The following KRT14 variants were observed in gnomAD, a reference collection of about 807,000 sequenced individuals.
The protein encoded by KRT14 is keratin, type I cytoskeletal 14.
A neutral mutation model predicts 44.5 loss-of-function variants in KRT14; 30 were observed. The ratio of observed to expected loss-of-function variants is 0.67; its 90% CI spans 0.50 to 0.92. KRT14 has a LOEUF of 0.92. KRT14 is among the 40% of genes least tolerant of loss of function. KRT14 has a pLI of 0.00. For synonymous variants in KRT14, 241 were observed against 257.6 expected (o/e 0.94, Z 0.62); for missense variants, 535 against 640.6 (o/e 0.84, Z 1.78).
rs1907404539 is a variant in KRT14, at chr17:41,583,361, T to G, written c.1148A>C (p.Gln383Pro). ...IQEMIGSVEE[Q>P]LAQLRCEMEQ... ...CATCTCGCAGCGGAGCTGGGCCAGC[T>G]GCTCCTCCACGCTGCCAATCATCTC... is the stretch of plus-strand genomic sequence containing the variant. The change falls in exon 6 of 8, where the codon CAG becomes CCG. Residue 383 changes from glutamine to proline, a missense_variant. Physicochemically the swap from Gln to Pro is moderately conservative, Grantham distance 76 (BLOSUM62 -1). Coordinates refer to ENST00000167586, the MANE Select transcript of KRT14 (RefSeq NM_000526.5). The G allele has an allele frequency of 6.2e-7, 1 of 1,613,608 alleles. No individual in the cohort carries two copies. Among genetic ancestry groups the G allele is most frequent in the Non-Finnish European group, 8.5e-7 (1 of 1,180,014 alleles).
chr17:41,583,517 C>T, intron 5 of KRT14, 34 bp downstream of exon 5: 1 of 1,614,222 alleles, frequency 6.2e-7, no homozygotes, highest in Non-Finnish European at 8.5e-7. Context: ...CCTGCCAGTC[C>T]TGGGTGCACC....
chr17:41,584,489 G>C, intron 2 of KRT14, 76 bp from the exon 3 acceptor site: 1 of 1,546,828 alleles, frequency 6.5e-7, no homozygotes, highest in Non-Finnish European at 8.9e-7. Flanking sequence ...TCTCCCTGCA[G>C]CTTCTCCCAG....
rs1567737096 is a variant in KRT14 at position 41,584,266 on chromosome 17, G to T, written c.756C>A (p.Asn252Lys). The T allele has an allele frequency of 6.2e-7, 1 of 1,613,580 alleles. No homozygotes were observed. The highest frequency in any genetic ancestry group is 8.5e-7 in the Non-Finnish European group (1 of 1,179,896). The part of the protein sequence containing the change: ...LKEELAYLKK[N>K]HEEEMNALRG... Reference sequence around the variant, plus strand: ...TCCATATAGTTCTCACCTCCTCGTGGTTCTTCTTCAGGTAGGCCAGCTCCT... The same window carrying T: ...TCCATATAGTTCTCACCTCCTCGTGTTTCTTCTTCAGGTAGGCCAGCTCCT... Residue 252 changes from asparagine (N) to lysine (K), a missense_variant, in exon 3 of 8, where the codon AAC becomes AAA. Physicochemically the swap from Asn to Lys is moderately conservative, Grantham distance 94. Coordinates refer to ENST00000167586, the MANE Select transcript of KRT14 (RefSeq NM_000526.5).
chr17:41,583,131 G>A lies in KRT14; in HGVS notation c.1284C>T (p.Ser428=). ...ACTGCGATCCAGAGGAGAACTGGGA[G>A]GAGGAGAGGCTGTGAAAATAGAAAA... ...LLEGEDAHLS[S]SQFSSGSQSS... Residue 428 remains serine, a synonymous_variant, in exon 7 of 8, where the codon TCC becomes TCT. Transcript: ENST00000167586. The A allele has an allele frequency of 6.2e-7, 1 of 1,613,508 alleles. No individual in the cohort carries two copies. The highest frequency in any genetic ancestry group is 8.5e-7 in the Non-Finnish European group (1 of 1,179,978).
In KRT14 at chr17:41,584,338, C is replaced by T; in HGVS notation, c.684G>A (p.Leu228=). The change falls in exon 3 of 8, where the codon CTG becomes CTA. Residue 228 remains leucine (L), a synonymous_variant. Coordinates refer to ENST00000167586, the MANE Select transcript of KRT14 (RefSeq NM_000526.5). ...INGLRRVLDE[L]TLARADLEMQ... ...TCTCCAGGTCAGCTCTGGCCAGGGTCAGTTCGTCCAGCACCCTGCGCAGGC... is the reference window on the plus strand; with the variant it reads ...TCTCCAGGTCAGCTCTGGCCAGGGTTAGTTCGTCCAGCACCCTGCGCAGGC... 1.2e-6 allele frequency: 2 copies of T among 1,614,070 alleles called. No homozygotes were observed. The highest frequency in any genetic ancestry group is 1.7e-6 in the Non-Finnish European group (2 of 1,180,022).
At position 41,584,952 on chromosome 17, in the gene KRT14, C is replaced by T. The variant is rs1470571806; in HGVS notation, c.608+23G>A. 2.5e-6 allele frequency: 4 copies of T among 1,595,976 alleles called. No individual in the cohort carries two copies. In the African/African-American group the frequency reaches 5.4e-5, roughly 21 times the overall value. ...CCCTACTCTGGGGACACTGGATGTTCTGGCCCACCATTTCAAACTCACTTG... is the reference window on the plus strand; with the variant it reads ...CCCTACTCTGGGGACACTGGATGTTTTGGCCCACCATTTCAAACTCACTTG... On this transcript the variant is annotated intron_variant, in intron 2 of 7. Coordinates refer to ENST00000167586, the MANE Select transcript of KRT14 (RefSeq NM_000526.5).
intron 1 of KRT14, 121 bp from the exon 2 acceptor site, chr17:41,585,178 A>G: frequency 1.3e-6 from 1 of 791,578 alleles, no homozygotes. Context: ...CCCCCACAAA[A>G]CTTGACCATA....
Position 41,583,933 on chromosome 17 carries a change from G to A in KRT14, c.766-12C>T. The A allele has an allele frequency of 6.2e-7, 1 of 1,613,922 alleles. No individual in the cohort carries two copies. The highest frequency in any genetic ancestry group is 8.5e-7 in the Non-Finnish European group (1 of 1,179,852). ...AGGGCATTCATCTCCTGCACAGCCA[G>A]GGACAGTCCACAGTCAGGAGTTCCA... On this transcript the variant is annotated splice_polypyrimidine_tract_variant and intron_variant, in intron 3 of 7. Coordinates refer to ENST00000167586, the MANE Select transcript of KRT14 (RefSeq NM_000526.5).
In KRT14 at chr17:41,583,314, T is replaced by A; in HGVS notation, c.1195A>T (p.Lys399Ter). The change falls in exon 6 of 8, where the codon AAG (lysine) becomes TAG (stop). Residue 399 changes from lysine (K) to a stop codon, truncating the protein, a stop_gained. Transcript: ENST00000167586. LOFTEE classifies it high-confidence loss of function. ...CGCGTCTTCACGTCCAGCAGGATCTTGTACTCCTGGTTCTGCTGCTCCATC... is the reference window on the plus strand; with the variant it reads ...CGCGTCTTCACGTCCAGCAGGATCTAGTACTCCTGGTTCTGCTGCTCCATC... ...CEMEQQNQEY[K>*]ILLDVKTRLE... The A allele has an allele frequency of 6.2e-7, 1 of 1,613,732 alleles. No individual in the cohort carries two copies. The highest frequency in any genetic ancestry group is 8.5e-7 in the Non-Finnish European group (1 of 1,179,986).
intron 3 of KRT14, 45 bp downstream of exon 3, chr17:41,584,212 C>T: frequency 6.2e-7 from 1 of 1,605,500 alleles, no homozygotes; most frequent in Non-Finnish European, 8.5e-7. Context: ...CTGTACCCAG[C>T]CTCCCTGCAT....
rs1440562945 is a variant in KRT14, at chr17:41,583,650, G to C, written c.954C>G (p.Ala318=). The change falls in exon 5 of 8, where the codon GCC becomes GCG. Residue 318 remains alanine, a synonymous_variant. Transcript: ENST00000167586. The part of the protein sequence containing the change: ...TKTEELNREV[A]TNSELVQSGK... ...CGCTCTGCACCAGCTCGCTGTTGGT[G>C]GCCACCTCGCGGTTCAGCTCCTCTG... The C allele has an allele frequency of 3.7e-6, 6 of 1,614,182 alleles. No homozygotes were observed. The highest frequency in any genetic ancestry group is 1.6e-4 in the Middle Eastern group (1 of 6,062).
At position 41,583,655 on chromosome 17, in the gene KRT14, C is replaced by T; in HGVS notation, c.949G>A (p.Val317Met). 1 of 1,614,214 alleles carries T rather than the reference C, an allele frequency of 6.2e-7. No homozygotes were observed. The highest frequency in any genetic ancestry group is 1.1e-5 in the South Asian group (1 of 91,086). Residue 317 changes from valine to methionine, a missense_variant, in exon 5 of 8, where the codon GTG (valine) becomes ATG (methionine). Val to Met is a conservative substitution (Grantham distance 21, BLOSUM62 1). Transcript: ENST00000167586. ...FTKTEELNREVATNSELVQSG... is the reference protein window; with the variant it reads ...FTKTEELNREMATNSELVQSG... ...TGCACCAGCTCGCTGTTGGTGGCCA[C>T]CTCGCGGTTCAGCTCCTCTGTCTGC...
chr17:41,582,453 G>A lies in KRT14; in HGVS notation c.1401C>T (p.Val467=). ...DGKVVSTHEQ[V]LRTKN is the part of the protein sequence containing the mutation. ...GGCAGCCTCAGTTCTTGGTGCGAAGGACCTGCTCGTGGGTGGACACCACCT... is the reference window on the plus strand; with the variant it reads ...GGCAGCCTCAGTTCTTGGTGCGAAGAACCTGCTCGTGGGTGGACACCACCT... Residue 467 remains valine, a synonymous_variant, in exon 8 of 8, where the codon GTC becomes GTT. Transcript: ENST00000167586. 1 of 1,568,060 alleles carries A rather than the reference G, an allele frequency of 6.4e-7. No homozygotes were observed.
At chr17:41,582,999 C>T in intron 7 of KRT14, 95 bp downstream of exon 7, 1 of 1,211,486 alleles carries the variant, frequency 8.3e-7, no homozygotes, top group Non-Finnish European at 1.2e-6. Context: ...AGCACTAGAG[C>T]TCAGCCCCTC....
In KRT14 at chr17:41,586,719, G is replaced by A. The variant is rs11551750; in HGVS notation, c.116C>T (p.Ser39Phe). 1.3e-6 allele frequency: 2 copies of A among 1,588,878 alleles called. No individual in the cohort carries two copies. The highest frequency in any genetic ancestry group is 3.6e-5 in the Admixed American group (2 of 55,916). Residue 39 changes from serine (S) to phenylalanine (F), a missense_variant, in exon 1 of 8, where the codon TCC becomes TTC. Physicochemically the swap from Ser to Phe is radical, Grantham distance 155. Transcript: ENST00000167586. ...SRISSVLAGG[S>F]CRAPSTYGGG... ...CCCGTAGGTGCTGGGGGCGCGGCAG[G>A]ACCCTCCGGCCAGGACGGAGGAGAT...
chr17:41,584,067 CTCTTTTTT>C, intron 3 of KRT14, 146 bp from the exon 4 acceptor site: 1 of 468,818 alleles, frequency 2.1e-6, no homozygotes, highest in Non-Finnish European at 3.5e-6. Context: ...CTCTCTCTCT[CTCTTTTTT>C]TTTTTTTTTT....
rs748213506 is a variant in KRT14, at chr17:41,583,246, G to A, written c.1263C>T (p.Gly421=). The A allele has an allele frequency of 2.5e-6, 4 of 1,613,328 alleles. No individual in the cohort carries two copies. Among genetic ancestry groups the A allele is most frequent in the African/African-American group, 1.3e-5 (1 of 74,866 alleles). The part of the protein sequence containing the change: ...EIATYRRLLE[G]EDAHLSSSQF... ...GGGCCAAGACTCACTGGGCGTCCTC[G>A]CCCTCCAGCAGGCGGCGGTAGGTGG... Residue 421 remains glycine, a synonymous_variant, in exon 6 of 8, where the codon GGC becomes GGT. Coordinates refer to ENST00000167586, the MANE Select transcript of KRT14 (RefSeq NM_000526.5).
intron 6 of KRT14, 44 bp from the exon 7 acceptor site, chr17:41,583,184 G>C: frequency 6.2e-7 from 1 of 1,607,756 alleles, no homozygotes; most frequent in Non-Finnish European, 8.5e-7. Flanking sequence ...ACATGGTGGG[G>C]CCGTGAGAGT....
At chr17:41,585,544 G>A (rs960741490) in intron 1 of KRT14, among the ~76,000 whole-genome samples, 1 of 152,202 alleles carries the variant, frequency 6.6e-6, no homozygotes, top group Non-Finnish European at 1.5e-5. Flanking sequence ...TAACACAGGG[G>A]ATTAGAAAAG....
Sources: gnomAD v4.1 joint callset for allele counts (sites outside exome capture counted in the v4.1 genomes callset) on GRCh38, gnomAD v4.1.1 for gene constraint, MANE v1.5 for transcripts, NCBI Gene and HGNC (gene_info 2026-07-23, HGNC 2026-07-21) for gene names.